Variants in PITPNC1 observed in about 807,000 individuals in gnomAD.
PITPNC1 encodes the protein cytoplasmic phosphatidylinositol transfer protein 1.
In PITPNC1, 18 loss-of-function variants were observed where a neutral mutation model predicts 44.7. The observed-to-expected ratio is 0.40, with a 90% CI of 0.28 to 0.60. The LOEUF (loss-of-function observed/expected upper bound fraction) is 0.60, where lower values mean the gene tolerates loss of function less well. PITPNC1 is among the 20% of genes least tolerant of loss of function. The pLI is 0.39. For synonymous variants in PITPNC1, 141 were observed against 149.6 expected (o/e 0.94, Z 0.42); for missense variants, 290 against 418.4 (o/e 0.69, Z 2.68).
intron 1 of PITPNC1, among the ~76,000 whole-genome samples, chr17:67,384,510 C>T (rs1311371592): frequency 6.6e-6 from 1 of 151,944 alleles, no homozygotes; most frequent in Non-Finnish European, 1.5e-5. Flanking sequence ...ACTGCAAGCT[C>T]CGCCTCCCGG....
chr17:67,474,513 A>G (rs959193680), intron 1 of PITPNC1, among the ~76,000 whole-genome samples: 2 of 152,020 alleles, frequency 1.3e-5, no homozygotes, highest in African/African-American at 2.4e-5. Flanking sequence ...TAGATGCTTT[A>G]GTGCCCTCTC....
chr17:67,493,425 T>G (rs76101650), intron 1 of PITPNC1, among the ~76,000 whole-genome samples: 4 of 152,338 alleles, frequency 2.6e-5, no homozygotes, highest in Non-Finnish European at 5.9e-5. Flanking sequence ...TTGCAGTCTT[T>G]TAGGAGCTCC....
At chr17:67,465,103 G>C (rs1286725081) in intron 1 of PITPNC1, among the ~76,000 whole-genome samples, 1 of 152,220 alleles carries the variant, frequency 6.6e-6, no homozygotes, top group Non-Finnish European at 1.5e-5. Flanking sequence ...ATGATGGCTA[G>C]TTAGATCACA....
chr17:67,554,554 G>C (rs1422502322), intron 4 of PITPNC1, among the ~76,000 whole-genome samples: 4 of 152,058 alleles, frequency 2.6e-5, no homozygotes, highest in African/African-American at 9.7e-5. Context: ...CACCACACCT[G>C]GCTAATAGTT....
intron 8 of PITPNC1, among the ~76,000 whole-genome samples, chr17:67,687,370 C>T (rs1035764933): frequency 3.9e-5 from 6 of 152,142 alleles, no homozygotes; most frequent in African/African-American, 1.2e-4. Flanking sequence ...CCAGACATTT[C>T]GATCCCTTAA....
intron 5 of PITPNC1, among the ~76,000 whole-genome samples, chr17:67,580,494 C>T (rs769910012): frequency 8.5e-5 from 13 of 152,110 alleles, no homozygotes; most frequent in Non-Finnish European, 1.6e-4. Flanking sequence ...GCACACACAA[C>T]CGTGCCCAGC....
chr17:67,504,420 A>G (rs867395221), intron 1 of PITPNC1, among the ~76,000 whole-genome samples: 4 of 152,324 alleles, frequency 2.6e-5, no homozygotes, highest in South Asian at 2.1e-4. Flanking sequence ...TGGAGGTAGC[A>G]ATTGCTTTGC....
At chr17:67,418,919 G>A (rs75863224) in intron 1 of PITPNC1, among the ~76,000 whole-genome samples, 2,750 of 152,176 alleles carry the variant, frequency 0.018, 92 homozygotes, top group African/African-American at 0.063. Flanking sequence ...AAATGAATGC[G>A]CTTGACCAGA....
chr17:67,429,697 CA>C lies in PITPNC1; in HGVS notation c.48+51508del, dbSNP rs34662070. ...TGGATGAAAGAGCAAAACTCTGTTT[CA>C]AAAAAAAAAAAACTTACAAAGTAAT... On this transcript the variant is annotated intron_variant, in intron 1 of 8. Coordinates refer to ENST00000581322, the MANE Select transcript of PITPNC1 (RefSeq NM_012417.4). 1.8e-3 allele frequency among the ~76,000 whole-genome samples: 257 copies of C among 144,640 alleles called. 3 individuals are homozygous for C. Among genetic ancestry groups the C allele is most frequent in the Non-Finnish European group, 2.0e-3 (135 of 65,930 alleles). The allele number at this position is 144,640 out of a possible 152,430, so 94.9% of individuals were successfully genotyped here.
intron 6 of PITPNC1, among the ~76,000 whole-genome samples, chr17:67,648,327 C>G (rs1216205310): frequency 6.6e-6 from 1 of 152,156 alleles, no homozygotes; most frequent in Non-Finnish European, 1.5e-5. Context: ...TCCCCATAGC[C>G]TTCGTCTAAA....
At chr17:67,444,714 T>C (rs926866447) in intron 1 of PITPNC1, among the ~76,000 whole-genome samples, 1 of 151,936 alleles carries the variant, frequency 6.6e-6, no homozygotes, top group African/African-American at 2.4e-5. Context: ...CTGGCCAACA[T>C]GGTGAAACCC....
chr17:67,555,901 C>T (rs773484863), intron 4 of PITPNC1, among the ~76,000 whole-genome samples: 1 of 151,972 alleles, frequency 6.6e-6, no homozygotes, highest in Non-Finnish European at 1.5e-5. Flanking sequence ...CAGTGAGGTA[C>T]AAAACATCAT....
chr17:67,594,027 G>A (rs898335233), intron 5 of PITPNC1, among the ~76,000 whole-genome samples: 8 of 152,212 alleles, frequency 5.3e-5, no homozygotes, highest in African/African-American at 1.9e-4. Context: ...ATCTTGGGTC[G>A]TGGAGCATTT....
intron 1 of PITPNC1, among the ~76,000 whole-genome samples, chr17:67,418,007 T>C (rs1436612605): frequency 6.6e-6 from 1 of 152,196 alleles, no homozygotes; most frequent in African/African-American, 2.4e-5. Flanking sequence ...GCCACTGTAC[T>C]CTAGCCTGGG....
intron 2 of PITPNC1, among the ~76,000 whole-genome samples, chr17:67,535,383 A>G (rs2040513967): frequency 6.6e-6 from 1 of 152,216 alleles, no homozygotes; most frequent in Non-Finnish European, 1.5e-5. Context: ...ATGCCAGAAA[A>G]TAGAAACCTA....
At chr17:67,495,271 G>A (rs540532994) in intron 1 of PITPNC1, among the ~76,000 whole-genome samples, 1 of 151,794 alleles carries the variant, frequency 6.6e-6, no homozygotes, top group Admixed American at 6.6e-5. Flanking sequence ...TGTTAGCCAG[G>A]ATGGTCTAGA....
intron 7 of PITPNC1, among the ~76,000 whole-genome samples, chr17:67,673,966 CAAAAAAAAA>C (rs34458518): frequency 3.5e-5 from 3 of 84,884 alleles, no homozygotes; most frequent in Non-Finnish European, 6.6e-5. Flanking sequence ...GACTCCGTCT[CAAAAAAAAA>C]AAAAAAAAAA....
Position 67,512,509 on chromosome 17 carries a change from A to AAC in PITPNC1, c.49-20292_49-20291insCA, listed in dbSNP as rs1353422957. On this transcript the variant is annotated intron_variant, in intron 1 of 8. Coordinates refer to ENST00000581322, the MANE Select transcript of PITPNC1 (RefSeq NM_012417.4). ...GAGTGAGACTGTGTCTCAAAAAAAA[A>AAC]AAAAAAAAAAAAAACAGCTGGACTT... Among the ~76,000 whole-genome samples the AAC allele has an allele frequency of 9.1e-3, 1,207 of 133,284 alleles. 13 individuals carry two copies. The highest frequency in any genetic ancestry group is 0.03 in the African/African-American group (1,146 of 37,938). The allele number at this position is 133,284 out of a possible 152,430, so 87.4% of individuals were successfully genotyped here.
chr17:67,377,812 C>A lies in PITPNC1; in HGVS notation c.-343C>A. ...TTTTCCTCCCTCGCTCGCTGCCGGG[C>A]ATGTCCTGATCTGGCGGCCGCTCCT... On this transcript the variant is annotated 5_prime_UTR_variant, in exon 1 of 9. Coordinates refer to ENST00000581322, the MANE Select transcript of PITPNC1 (RefSeq NM_012417.4). 1.0e-5 allele frequency: 3 copies of A among 296,136 alleles called. No homozygotes were observed. Among genetic ancestry groups the A allele is most frequent in the East Asian group, 5.6e-5 (1 of 17,724 alleles). 18.3% of individuals were successfully genotyped at this position (296,136 alleles called of 1,614,324 possible).
Sources: gnomAD v4.1 joint callset for allele counts (sites outside exome capture counted in the v4.1 genomes callset) on GRCh38, gnomAD v4.1.1 for gene constraint, MANE v1.5 for transcripts, NCBI Gene and HGNC (gene_info 2026-07-23, HGNC 2026-07-21) for gene names.